Variants in RBMS2 observed in about 807,000 individuals in gnomAD.
The protein encoded by RBMS2 is RNA binding motif single stranded interacting protein 2.
Under a neutral mutation model 58.4 loss-of-function variants are expected in RBMS2, and 38 were observed. The ratio of observed to expected loss-of-function variants is 0.65; its 90% confidence interval spans 0.50 to 0.85. The LOEUF (loss-of-function observed/expected upper bound fraction) is 0.85, where lower values mean the gene tolerates loss of function less well. Ranked by LOEUF, RBMS2 falls within the 40% of genes least tolerant of loss-of-function variation. The pLI, the probability that RBMS2 is intolerant of heterozygous loss-of-function variation, is 0.00. For synonymous variants in RBMS2, 151 were observed against 180.7 expected, an observed-to-expected ratio of 0.84 and a Z score of 1.32; for missense variants, 367 against 503.7, an observed-to-expected ratio of 0.73 and a Z score of 2.60.
intron 1 of RBMS2, among the ~76,000 whole-genome samples, chr12:56,550,395 T>G (rs1324223380): frequency 6.6e-6 from 1 of 152,002 alleles, no homozygotes; most frequent in Non-Finnish European, 1.5e-5. Context: ...CCAGGTGTGG[T>G]TGCATGTGCC....
At position 56,595,043 on chromosome 12, in the gene RBMS2, G is replaced by T. The variant is rs1885618208; in HGVS notation, c.*5910G>T. 1 of 152,250 alleles carries T rather than the reference G, an allele frequency of 6.6e-6. No individual in the cohort carries two copies. 9.4% of individuals were successfully genotyped at this position (152,250 alleles called of 1,614,324 possible). ...AGTGTGAACTCTCCAGATAGGTCCT[G>T]CTGTGATAGGCCAGGGGAGTAGGCT... On this transcript the variant is annotated 3_prime_UTR_variant, in exon 14 of 14. Transcript: ENST00000262031.
intron 1 of RBMS2, among the ~76,000 whole-genome samples, chr12:56,523,315 T>C (rs1277544675): frequency 6.6e-6 from 1 of 152,168 alleles, no homozygotes; most frequent in Non-Finnish European, 1.5e-5. Context: ...TTGTACTGTA[T>C]ATGGGATTCA....
chr12:56,589,066 C>T (rs776499186), intron 13 of RBMS2, 48 bp downstream of exon 13: 1 of 1,613,024 alleles, frequency 6.2e-7, no homozygotes, highest in South Asian at 1.1e-5. Context: ...TGGCAGACAG[C>T]AGCTCAGCCC....
At chr12:56,535,514 A>AT (rs397724798) in intron 1 of RBMS2, among the ~76,000 whole-genome samples, 4 of 150,980 alleles carry the variant, frequency 2.6e-5, no homozygotes, top group African/African-American at 4.9e-5. Flanking sequence ...AAAAAAAAAA[A>AT]TTTATATCCA....
chr12:56,546,339 A>AATATAATGTACAATATATTG (rs1877191026), intron 1 of RBMS2, among the ~76,000 whole-genome samples: 35 of 138,046 alleles, frequency 2.5e-4, no homozygotes, highest in Admixed American at 2.2e-3. Context: ...ATACATTATA[A>AATATAATGTACAATATATTG]TACATTATAA....
At chr12:56,556,147 C>T (rs544385286) in intron 1 of RBMS2, among the ~76,000 whole-genome samples, 3 of 151,894 alleles carry the variant, frequency 2.0e-5, no homozygotes, top group Non-Finnish European at 4.4e-5. Flanking sequence ...TCACTCAGGC[C>T]TGTAATCCCA....
upstream of RBMS2, among the ~76,000 whole-genome samples, chr12:56,521,135 A>T (rs989920662): frequency 6.6e-6 from 1 of 152,138 alleles, no homozygotes; most frequent in Non-Finnish European, 1.5e-5. Context: ...GTACATTAAG[A>T]TCACTATAAA....
At chr12:56,568,143 T>TTGAA (rs1423103629) in intron 2 of RBMS2, among the ~76,000 whole-genome samples, 2 of 152,210 alleles carry the variant, frequency 1.3e-5, no homozygotes. Flanking sequence ...GAACCAGGAT[T>TTGAA]TGAACCAAAG....
Position 56,562,479 on chromosome 12 carries a change from C to A in RBMS2, c.129C>A (p.Ser43Arg). Residue 43 changes from serine to arginine, a missense_variant, in exon 2 of 14, where the codon AGC (serine) becomes AGA (arginine). This residue lies in a region of RBMS2 where 93 missense variants were observed against 132.2 expected (regional missense o/e 0.70). Coordinates refer to ENST00000262031, the MANE Select transcript of RBMS2 (RefSeq NM_002898.4). ...GCCCAAGCAACAGTACACCTAACAG[C>A]AGTAGTGGAAGCAATGGAAATGACC... ...PPSPSNSTPN[S>R]SSGSNGNDQL... 1 of 1,606,418 alleles carries A rather than the reference C, an allele frequency of 6.2e-7. No homozygotes were observed.
At position 56,570,825 on chromosome 12, in the gene RBMS2, C is replaced by T. The variant is rs1018595500; in HGVS notation, c.384+835C>T. On this transcript the variant is annotated intron_variant, in intron 4 of 13. Transcript: ENST00000262031. The stretch of plus-strand genomic sequence containing the variant: ...ATCTCCTGACGTTGTGATCCGCCCA[C>T]CTCAGCCTTCCAAAGTGCTGGGATT... Among the ~76,000 whole-genome samples, 25 of 152,320 alleles carry T rather than the reference C, an allele frequency of 1.6e-4. 1 individual carries two copies. Among genetic ancestry groups the T allele is most frequent in the African/African-American group, 6.0e-4 (25 of 41,570 alleles).
In RBMS2 at chr12:56,569,040, GAAC is replaced by G. The variant is rs1303591934; in HGVS notation, c.292+11_292+13del. 1.9e-6 allele frequency: 3 copies of G among 1,609,214 alleles called. No individual in the cohort carries two copies. Among genetic ancestry groups the G allele is most frequent in the Non-Finnish European group, 2.6e-6 (3 of 1,175,562 alleles). On this transcript the variant is annotated splice_region_variant and intron_variant, in intron 3 of 13. Transcript: ENST00000262031. ...ACCACAAACAAATGTAAAGGTGAGA[GAAC>G]AACTGTCCTTGGTGTTGGAGAGCAC...
chr12:56,557,895 C>T (rs1409940136), intron 1 of RBMS2, among the ~76,000 whole-genome samples: 15 of 151,646 alleles, frequency 9.9e-5, no homozygotes, highest in African/African-American at 2.2e-4. Context: ...TGCACCACCA[C>T]GCCCGGCTAA....
At chr12:56,555,060 A>T (rs1405236407) in intron 1 of RBMS2, among the ~76,000 whole-genome samples, 2 of 110,470 alleles carry the variant, frequency 1.8e-5, no homozygotes, top group African/African-American at 6.5e-5. Flanking sequence ...GAATAAAAGG[A>T]TATATACACT....
At chr12:56,549,101 T>C (rs1408276881) in intron 1 of RBMS2, among the ~76,000 whole-genome samples, 3 of 152,136 alleles carry the variant, frequency 2.0e-5, no homozygotes, top group African/African-American at 7.2e-5. Context: ...CAGGTTCAAG[T>C]GATTCTTGTG....
In RBMS2 at chr12:56,546,893, G is replaced by A. The variant is rs184292666; in HGVS notation, c.67-15524G>A. On this transcript the variant is annotated intron_variant, in intron 1 of 13. Coordinates refer to ENST00000262031, the MANE Select transcript of RBMS2 (RefSeq NM_002898.4). ...AACTATCCTCCAAAGCAGCTGCATC[G>A]TTTTGCAATGCCATAAATGGTATAC... Among the ~76,000 whole-genome samples, 196 of 152,256 alleles carry A rather than the reference G, an allele frequency of 1.3e-3. 1 individual carries two copies. The highest frequency in any genetic ancestry group is 3.4e-3 in the Middle Eastern group (1 of 292).
In RBMS2 at chr12:56,595,804, G is replaced by C. The variant is rs940683632; in HGVS notation, c.*6671G>C. On this transcript the variant is annotated 3_prime_UTR_variant, in exon 14 of 14. Transcript: ENST00000262031. ...ACTAATGACCCTTTCCATCCACACA[G>C]AGGGTATGGAACAGGAGCCCCTGTT... 2.0e-5 allele frequency: 3 copies of C among 152,590 alleles called. No homozygotes were observed. Among genetic ancestry groups the C allele is most frequent in the Admixed American group, 6.5e-5 (1 of 15,268 alleles). The allele number at this position is 152,590 out of a possible 1,614,324, so 9.5% of individuals were successfully genotyped here. A position where few individuals can be genotyped will look rare whatever the true frequency, so the allele number is the denominator to read the frequency against.
intron 1 of RBMS2, among the ~76,000 whole-genome samples, chr12:56,560,843 C>T (rs547186886): frequency 1.3e-5 from 2 of 152,130 alleles, no homozygotes; most frequent in East Asian, 3.9e-4. Context: ...GTTTGTTTTA[C>T]AAATTATGTT....
At chr12:56,567,318 G>T (rs1479023721) in intron 2 of RBMS2, among the ~76,000 whole-genome samples, 1 of 151,684 alleles carries the variant, frequency 6.6e-6, no homozygotes, top group Non-Finnish European at 1.5e-5. Context: ...CTGGGAGGCG[G>T]AGGGTGCAGT....
chr12:56,588,981 A>C lies in RBMS2; in HGVS notation c.1193A>C (p.His398Pro). Reference sequence around the variant, plus strand: ...GTGGCAGTGGACGCACCCTCAGAGCATGGGGTCTATTCTTTCCAGTTCAAC... The same window carrying C: ...GTGGCAGTGGACGCACCCTCAGAGCCTGGGGTCTATTCTTTCCAGTTCAAC... ...NQVAVDAPSEHGVYSFQFNK is the reference protein window; with the variant it reads ...NQVAVDAPSEPGVYSFQFNK The change falls in exon 13 of 14, where the codon CAT (histidine) becomes CCT (proline). Residue 398 changes from histidine (H) to proline (P), a missense_variant. His to Pro is a moderately conservative substitution (Grantham distance 77). This residue lies in a region of RBMS2 where 220 missense variants were observed against 261.1 expected (regional missense o/e 0.84). Transcript: ENST00000262031. 6.2e-7 allele frequency: 1 copy of C among 1,614,174 alleles called. No individual in the cohort carries two copies. The highest frequency in any genetic ancestry group is 8.5e-7 in the Non-Finnish European group (1 of 1,180,030).
Sources: allele counts gnomAD v4.1 joint callset (sites outside exome capture counted in the v4.1 genomes callset), GRCh38; gene constraint gnomAD v4.1.1; regional missense constraint gnomAD v4.1.1; transcripts MANE v1.5; gene names NCBI Gene and HGNC (gene_info 2026-07-23, HGNC 2026-07-21).